HK1: variants seen among roughly 807,000 people sequenced by gnomAD.
HK1 encodes hexokinase 1.
A neutral mutation model predicts 91.6 loss-of-function variants in HK1; 28 were observed. That is an observed-to-expected ratio of 0.31 (90% CI 0.23 to 0.42). The LOEUF (loss-of-function observed/expected upper bound fraction) is 0.42, where lower values mean the gene tolerates loss of function less well. Among genes scored for constraint, HK1 ranks in the 10% least tolerant of loss-of-function variants. The pLI, the probability that HK1 is intolerant of heterozygous loss-of-function variation, is 1.00. For synonymous variants in HK1, 430 were observed against 468.1 expected, an observed-to-expected ratio of 0.92 and a Z score of 1.05; for missense variants, 770 against 1,219.8, an observed-to-expected ratio of 0.63 and a Z score of 5.49.
chr10:69,360,475 G>A (rs60020035), intron 3 of HK1, among the ~76,000 whole-genome samples: 7,634 of 152,290 alleles, frequency 0.05, 219 homozygotes, highest in African/African-American at 0.082. Context: ...GTATGGCTGT[G>A]GCCTTGTCGG....
intron 2 of HK1, among the ~76,000 whole-genome samples, chr10:69,355,282 T>C (rs1472088279): frequency 6.6e-6 from 1 of 152,204 alleles, no homozygotes; most frequent in African/African-American, 2.4e-5. Context: ...GTCAGCTTTA[T>C]TGTTAAAAAC....
intron 3 of HK1, among the ~76,000 whole-genome samples, chr10:69,361,989 G>A (rs947816194): frequency 1.3e-5 from 2 of 152,048 alleles, no homozygotes; most frequent in African/African-American, 4.8e-5. Flanking sequence ...GACTAATTTT[G>A]TATTGTTCGT....
intron 5 of HK1, among the ~76,000 whole-genome samples, chr10:69,308,488 G>T (rs556291239): frequency 6.6e-6 from 1 of 152,210 alleles, no homozygotes; most frequent in East Asian, 1.9e-4. Flanking sequence ...TGTGACTGGG[G>T]GCTGCAGGCA....
At chr10:69,394,138 C>T (rs759386039) in intron 15 of HK1, among the ~76,000 whole-genome samples, 2 of 152,230 alleles carry the variant, frequency 1.3e-5, no homozygotes, top group Non-Finnish European at 2.9e-5. Flanking sequence ...GGGGACTCTT[C>T]TCAGCTTTGG....
intron 16 of HK1, among the ~76,000 whole-genome samples, chr10:69,397,273 C>T (rs1314893986): frequency 6.8e-6 from 1 of 147,398 alleles, no homozygotes; most frequent in East Asian, 2.0e-4. Context: ...CCACCAGCAG[C>T]CCGTGAAAGT....
chr10:69,397,122 G>A (rs574120431), intron 16 of HK1, among the ~76,000 whole-genome samples: 1 of 152,294 alleles, frequency 6.6e-6, no homozygotes, highest in East Asian at 1.9e-4. Flanking sequence ...TGTGAACACG[G>A]GTGACCAGTA....
intron 1 of HK1, among the ~76,000 whole-genome samples, chr10:69,334,526 C>T (rs1378425037): frequency 6.6e-6 from 1 of 152,196 alleles, no homozygotes; most frequent in African/African-American, 2.4e-5. Flanking sequence ...TGAGAGGCCG[C>T]TGCCGGGGGA....
intron 5 of HK1, among the ~76,000 whole-genome samples, chr10:69,306,925 G>C (rs1167626454): frequency 6.6e-6 from 1 of 152,136 alleles, no homozygotes; most frequent in Non-Finnish European, 1.5e-5. Context: ...TGGATTTTTG[G>C]GTTGTTCACC....
chr10:69,358,863 CAAAAA>C (rs771610951), intron 2 of HK1, among the ~76,000 whole-genome samples: 2 of 80,428 alleles, frequency 2.5e-5, no homozygotes, highest in African/African-American at 4.6e-5. Context: ...AGCTCTGTCT[CAAAAA>C]AAAAAAAAAA....
rs138039554 is a variant in HK1 at position 69,277,771 on chromosome 10, G to A, written c.-390-4758G>A. 9.8e-3 allele frequency among the ~76,000 whole-genome samples: 1,489 copies of A among 152,270 alleles called. 19 individuals are homozygous for A. The highest frequency in any genetic ancestry group is 0.058 in the Middle Eastern group (17 of 294). ...GTTTTAGGCCAGGCACAGGGCTCAC[G>A]CCTGTAATCCCAGCACTTTGGGAGG... On this transcript the variant is annotated intron_variant, in intron 1 of 21. Coordinates refer to the HK1 transcript ENST00000360289.
chr10:69,392,352 G>A (rs377203927), intron 15 of HK1, 44 bp downstream of exon 15: 145 of 1,600,856 alleles, frequency 9.1e-5, no homozygotes, highest in Non-Finnish European at 1.2e-4. Flanking sequence ...CAGGGTGGGG[G>A]CAGCACTTGG....
upstream of HK1, chr10:69,316,065 G>C: frequency 7.0e-7 from 1 of 1,434,044 alleles, no homozygotes; most frequent in South Asian, 1.1e-5. Context: ...TTAGATGAGA[G>C]GGGATGCTTG....
intron 1 of HK1, among the ~76,000 whole-genome samples, chr10:69,320,853 G>A (rs1238672798): frequency 6.6e-6 from 1 of 152,160 alleles, no homozygotes. Context: ...AGTGTCTAGG[G>A]TGGGCCCAGA....
At chr10:69,335,474 A>G (rs1446861731) in intron 1 of HK1, among the ~76,000 whole-genome samples, 1 of 152,182 alleles carries the variant, frequency 6.6e-6, no homozygotes, top group Non-Finnish European at 1.5e-5. Context: ...TAGCCCCTGT[A>G]GTACCGCATC....
upstream of HK1, among the ~76,000 whole-genome samples, chr10:69,316,337 A>G (rs1315716831): frequency 6.6e-6 from 1 of 152,190 alleles, no homozygotes. Context: ...GCTGCATTTT[A>G]GCAGGATTAA....
intron 3 of HK1, chr10:69,292,296 TC>T (rs1845329236): frequency 2.3e-6 from 1 of 429,068 alleles, no homozygotes; most frequent in African/African-American, 2.0e-5. Flanking sequence ...TGTTCTTAAA[TC>T]CCTGGCGTCA....
chr10:69,391,679 A>G (rs1041186096), intron 14 of HK1, among the ~76,000 whole-genome samples: 5 of 152,224 alleles, frequency 3.3e-5, no homozygotes, highest in African/African-American at 1.2e-4. Context: ...TATCTATGGT[A>G]TGATAGAAGA....
chr10:69,359,792 C>G, intron 2 of HK1, 105 bp from the exon 3 acceptor site: 1 of 1,045,184 alleles, frequency 9.6e-7, no homozygotes, highest in Non-Finnish European at 1.5e-6. Flanking sequence ...CAGCATGTGG[C>G]AGGGGGAGGC....
At chr10:69,390,286 T>C (rs1198006540) in intron 14 of HK1, among the ~76,000 whole-genome samples, 1 of 152,100 alleles carries the variant, frequency 6.6e-6, no homozygotes, top group African/African-American at 2.4e-5. Flanking sequence ...AAAGCTAGAG[T>C]GACACAGCAG....
Sources: allele counts gnomAD v4.1 joint callset (sites outside exome capture counted in the v4.1 genomes callset), GRCh38; gene constraint gnomAD v4.1.1; transcripts MANE v1.5; gene names NCBI Gene and HGNC (gene_info 2026-07-23, HGNC 2026-07-21).